Variants in CCDC14 observed in about 807,000 individuals in gnomAD.
CCDC14 encodes coiled-coil domain-containing protein 14.
A neutral mutation model predicts 81.4 loss-of-function variants in CCDC14; 71 were observed. The observed-to-expected ratio is 0.87, with a 90% CI of 0.72 to 1.06. The LOEUF (loss-of-function observed/expected upper bound fraction) is 1.06, where lower values mean the gene tolerates loss of function less well. Ranked by LOEUF, CCDC14 falls within the 50% of genes least tolerant of loss-of-function variation. The pLI, the probability that CCDC14 is intolerant of heterozygous loss-of-function variation, is 0.00. For missense variants in CCDC14, 1,046 were observed against 1,047.3 expected (o/e 1.00, Z 0.02); for synonymous variants, 332 against 364.8 (o/e 0.91, Z 1.03).
intron 10 of CCDC14, among the ~76,000 whole-genome samples, chr3:123,933,141 A>G (rs921129433): frequency 2.3e-5 from 3 of 128,462 alleles, no homozygotes; most frequent in African/African-American, 9.0e-5. Flanking sequence ...AAGCTGACAT[A>G]TATGCACAAA....
At chr3:123,933,820 T>C in intron 9 of CCDC14, 65 bp from the exon 10 acceptor site, 4 of 1,045,272 alleles carry the variant, frequency 3.8e-6, no homozygotes, top group Admixed American at 2.2e-5. Flanking sequence ...ATACATGTGA[T>C]AGCCTATCAA....
the CCDC14 span, among the ~76,000 whole-genome samples, chr3:123,887,259 T>G: frequency 1.3e-5 from 2 of 152,202 alleles, no homozygotes; most frequent in Admixed American, 6.5e-5. Context: ...ATATATTTAA[T>G]GCTTACCATT....
intron 5 of CCDC14, among the ~76,000 whole-genome samples, chr3:123,899,072 ACAAAGT>A (rs2034130789): frequency 1.3e-5 from 2 of 152,222 alleles, no homozygotes; most frequent in South Asian, 4.1e-4. Flanking sequence ...TTGTTTATTA[ACAAAGT>A]CAGAAGTTAT....
At chr3:123,937,222 A>T (rs2036103109) in intron 9 of CCDC14, among the ~76,000 whole-genome samples, 1 of 152,070 alleles carries the variant, frequency 6.6e-6, no homozygotes, top group Admixed American at 6.6e-5. Context: ...TGGCTGGATC[A>T]TATGTTAGAT....
downstream of CCDC14, among the ~76,000 whole-genome samples, chr3:123,895,958 A>G (rs1427123209): frequency 6.6e-6 from 1 of 152,246 alleles, no homozygotes; most frequent in Non-Finnish European, 1.5e-5. Flanking sequence ...TTGAAGAGAT[A>G]GCTGCATTCC....
chr3:123,948,549 G>T (rs2036801923), intron 7 of CCDC14, 142 bp downstream of exon 7: 1 of 755,360 alleles, frequency 1.3e-6, no homozygotes, highest in East Asian at 3.0e-5. Flanking sequence ...CCATAAACAT[G>T]TAAAACTTTT....
At chr3:123,925,962 A>T (rs2035336719) in intron 12 of CCDC14, among the ~76,000 whole-genome samples, 1 of 152,234 alleles carries the variant, frequency 6.6e-6, no homozygotes, top group African/African-American at 2.4e-5. Flanking sequence ...TTACTACAAC[A>T]CAAAAATATG....
In CCDC14 at chr3:123,914,351, T is replaced by G. The variant is rs1379409639; in HGVS notation, c.*428A>C. 4.1e-6 allele frequency: 4 copies of G among 985,248 alleles called. No individual in the cohort carries two copies. In the Admixed American group the frequency reaches 2.5e-4, roughly 60 times the overall value. The allele number at this position is 985,248 out of a possible 1,614,324, so 61.0% of individuals were successfully genotyped here. On this transcript the variant is annotated 3_prime_UTR_variant, in exon 13 of 13. Coordinates refer to ENST00000409697, the MANE Select transcript of CCDC14 (RefSeq NM_001366335.1). ...CACAGCATGTTTAATAAAAACACATTGCTATTAAAAAAAAGTATATGTAAA... is the reference window on the plus strand; with the variant it reads ...CACAGCATGTTTAATAAAAACACATGGCTATTAAAAAAAAGTATATGTAAA...
intron 12 of CCDC14, among the ~76,000 whole-genome samples, chr3:123,916,197 C>A (rs1165234289): frequency 6.6e-6 from 1 of 151,848 alleles, no homozygotes; most frequent in Non-Finnish European, 1.5e-5. Context: ...CAGGGTTTCA[C>A]CATGTTGGCC....
chr3:123,923,856 A>G (rs1185127140), intron 12 of CCDC14, among the ~76,000 whole-genome samples: 3 of 151,688 alleles, frequency 2.0e-5, no homozygotes, highest in Non-Finnish European at 4.4e-5. Context: ...TATTGTTGGA[A>G]TATTCATGCT....
chr3:123,931,552 G>A (rs1272353334), intron 10 of CCDC14, 26 bp from the exon 11 acceptor site: 3 of 1,268,130 alleles, frequency 2.4e-6, no homozygotes, highest in Middle Eastern at 2.4e-4. Context: ...GGATCAAATA[G>A]TTGTTTCCCA....
In CCDC14 at chr3:123,915,072, G is replaced by A; in HGVS notation, c.2425C>T (p.Leu809Phe). 6.2e-7 allele frequency: 1 copy of A among 1,614,016 alleles called. No homozygotes were observed. The highest frequency in any genetic ancestry group is 8.5e-7 in the Non-Finnish European group (1 of 1,179,892). The stretch of plus-strand genomic sequence containing the variant: ...CCAATTGCTTCCTTTATTTTCTTGA[G>A]GAGCTGTGTGTCCTTCATATCAGAT... ...RASDMKDTQL[L>F]KKIKEAIGKI... Residue 809 changes from leucine to phenylalanine, a missense_variant, in exon 13 of 13, where the codon CTC becomes TTC. By Grantham distance (22) the Leu-to-Phe change is conservative (BLOSUM62 0). Coordinates refer to ENST00000409697, the MANE Select transcript of CCDC14 (RefSeq NM_001366335.1).
At chr3:123,929,484 G>A (rs2035581951) in intron 12 of CCDC14, among the ~76,000 whole-genome samples, 1 of 151,826 alleles carries the variant, frequency 6.6e-6, no homozygotes, top group Non-Finnish European at 1.5e-5. Flanking sequence ...GGTATTTTTT[G>A]TAGAGACAGG....
chr3:123,904,100 T>C (rs1334468830), intron 5 of CCDC14, among the ~76,000 whole-genome samples: 3 of 152,184 alleles, frequency 2.0e-5, no homozygotes, highest in African/African-American at 7.2e-5. Flanking sequence ...GAATTACGCA[T>C]TATATAATAA....
chr3:123,916,727 A>G (rs2148790616), intron 12 of CCDC14, among the ~76,000 whole-genome samples: 1 of 152,272 alleles, frequency 6.6e-6, no homozygotes, highest in South Asian at 2.1e-4. Flanking sequence ...ACTACAATGA[A>G]GATTAAATAA....
At chr3:123,944,328 T>C (rs2036515077) in intron 9 of CCDC14, among the ~76,000 whole-genome samples, 1 of 152,104 alleles carries the variant, frequency 6.6e-6, no homozygotes, top group South Asian at 2.1e-4. Context: ...AAAATATAAG[T>C]GGTAGCGAAA....
the CCDC14 span, among the ~76,000 whole-genome samples, chr3:123,886,672 A>G: frequency 2.0e-5 from 3 of 152,132 alleles, no homozygotes; most frequent in African/African-American, 7.2e-5. Flanking sequence ...CTGGGATTAC[A>G]GGCATGAGCC....
chr3:123,915,906 T>C (rs1305470447), intron 12 of CCDC14, among the ~76,000 whole-genome samples, 188 bp from the exon 13 acceptor site: 2 of 151,820 alleles, frequency 1.3e-5, no homozygotes, highest in Non-Finnish European at 2.9e-5. Context: ...AAAATAACAA[T>C]GATAAAATAC....
At chr3:123,925,505 A>G (rs1025058156) in intron 12 of CCDC14, among the ~76,000 whole-genome samples, 2 of 152,016 alleles carry the variant, frequency 1.3e-5, no homozygotes, top group African/African-American at 4.8e-5. Context: ...GTGCAATCTC[A>G]GCTCATCGCA....
Sources: allele counts gnomAD v4.1 joint callset (sites outside exome capture counted in the v4.1 genomes callset), GRCh38; gene constraint gnomAD v4.1.1; transcripts MANE v1.5; gene names NCBI Gene and HGNC (gene_info 2026-07-23, HGNC 2026-07-21).